The following GRM3 variants were observed in gnomAD, a reference collection of about 807,000 sequenced individuals.
The protein encoded by GRM3 is metabotropic glutamate receptor 3.
Under a neutral mutation model 70.5 loss-of-function variants are expected in GRM3, and 26 were observed. The observed-to-expected ratio is 0.37, with a 90% confidence interval of 0.27 to 0.51. GRM3 has a LOEUF of 0.51. GRM3 is among the 20% of genes least tolerant of loss of function. The pLI, the probability that GRM3 is intolerant of heterozygous loss-of-function variation, is 0.93. For synonymous variants in GRM3, 443 were observed against 434.9 expected (o/e 1.02, Z -0.23); for missense variants, 859 against 1,123.8 (o/e 0.76, Z 3.37).
chr7:86,758,301 C>A (rs917750289), intron 1 of GRM3, among the ~76,000 whole-genome samples: 1 of 152,154 alleles, frequency 6.6e-6, no homozygotes, highest in Admixed American at 6.6e-5. Flanking sequence ...TGCTCCTTCA[C>A]CATTTTGTCC....
At chr7:86,856,452 CAAAAAAA>C (rs572172399) in intron 5 of GRM3, among the ~76,000 whole-genome samples, 1 of 67,582 alleles carries the variant, frequency 1.5e-5, no homozygotes, top group Non-Finnish European at 3.3e-5. Flanking sequence ...TCGCCCTCTG[CAAAAAAA>C]AAAAAAAAAA....
intron 1 of GRM3, among the ~76,000 whole-genome samples, chr7:86,671,027 A>C (rs759919309): frequency 6.6e-6 from 1 of 152,142 alleles, no homozygotes; most frequent in Non-Finnish European, 1.5e-5. Flanking sequence ...TACTAACTGA[A>C]ATATGAAACA....
chr7:86,732,200 T>A (rs944960696), intron 1 of GRM3, among the ~76,000 whole-genome samples: 5 of 152,102 alleles, frequency 3.3e-5, no homozygotes, highest in Non-Finnish European at 7.3e-5. Context: ...CACAAGAGTA[T>A]AAATGAAAAA....
rs117389933 is a variant in GRM3 at position 86,796,826 on chromosome 7, A to G, written c.1324+9710A>G. Among the ~76,000 whole-genome samples, 4 of 152,190 alleles carry G rather than the reference A, an allele frequency of 2.6e-5. No homozygotes were observed. In the East Asian group the frequency reaches 7.7e-4, roughly 29 times the overall value. The stretch of plus-strand genomic sequence containing the variant: ...TATAGCTCTATAATTCTCACATGTC[A>G]TGGAAGGGACTCAATGGGTGGTAAT... On this transcript the variant is annotated intron_variant, in intron 3 of 5. Transcript: ENST00000361669.
At chr7:86,847,119 T>C (rs544894672) in intron 4 of GRM3, among the ~76,000 whole-genome samples, 1 of 152,268 alleles carries the variant, frequency 6.6e-6, no homozygotes, top group South Asian at 2.1e-4. Flanking sequence ...CCTGAATCTT[T>C]TATAATGAAT....
intron 3 of GRM3, among the ~76,000 whole-genome samples, chr7:86,808,583 C>T (rs971227213): frequency 6.6e-6 from 1 of 151,586 alleles, no homozygotes; most frequent in Non-Finnish European, 1.5e-5. Context: ...AATAAGGCAT[C>T]CCAGGTAGAG....
At chr7:86,822,656 G>A (rs2299227) in intron 3 of GRM3, among the ~76,000 whole-genome samples, 4,269 of 152,218 alleles carry the variant, frequency 0.028, 103 homozygotes, top group Non-Finnish European at 0.047. Context: ...CAGATTGTGT[G>A]GGACTGTGAA....
At chr7:86,830,731 G>T (rs1048349317) in intron 3 of GRM3, among the ~76,000 whole-genome samples, 2 of 152,102 alleles carry the variant, frequency 1.3e-5, no homozygotes, top group Non-Finnish European at 2.9e-5. Context: ...GTTATGAGTT[G>T]AATTGTGTTC....
intron 5 of GRM3, among the ~76,000 whole-genome samples, chr7:86,862,862 T>A (rs1798986651): frequency 6.6e-6 from 1 of 152,084 alleles, no homozygotes; most frequent in Non-Finnish European, 1.5e-5. Context: ...TTTGCCTAGG[T>A]AAAATGAAAA....
At chr7:86,834,756 T>C (rs889690739) in intron 3 of GRM3, among the ~76,000 whole-genome samples, 6 of 152,072 alleles carry the variant, frequency 3.9e-5, no homozygotes, top group African/African-American at 1.4e-4. Flanking sequence ...AATTATCTAA[T>C]AACATCAACT....
intron 1 of GRM3, among the ~76,000 whole-genome samples, chr7:86,703,626 C>T (rs575354562): frequency 3.9e-5 from 6 of 152,068 alleles, no homozygotes; most frequent in African/African-American, 1.4e-4. Flanking sequence ...GGGAAATTTT[C>T]ACTTTGTTCT....
At chr7:86,734,353 G>T (rs367921139) in intron 1 of GRM3, among the ~76,000 whole-genome samples, 2 of 152,130 alleles carry the variant, frequency 1.3e-5, no homozygotes, top group Non-Finnish European at 2.9e-5. Context: ...TCTGGGAGAA[G>T]TATTAGGCAA....
At chr7:86,779,424 A>G (rs888774536) in intron 2 of GRM3, among the ~76,000 whole-genome samples, 20 of 150,842 alleles carry the variant, frequency 1.3e-4, no homozygotes, top group South Asian at 6.3e-4. Context: ...ACACGTGCGC[A>G]CACACACACA....
chr7:86,750,389 C>G (rs932397346), intron 1 of GRM3, among the ~76,000 whole-genome samples: 1 of 151,976 alleles, frequency 6.6e-6, no homozygotes, highest in African/African-American at 2.4e-5. Flanking sequence ...AATAATGCAA[C>G]TTGGACAAAT....
In GRM3 at chr7:86,786,190, T is replaced by C. The variant is rs1049579769; in HGVS notation, c.469-71T>C. 5 of 1,297,658 alleles carry C rather than the reference T, an allele frequency of 3.9e-6. No individual in the cohort carries two copies. In the African/African-American group the frequency reaches 5.9e-5, roughly 15 times the overall value. The allele number at this position is 1,297,658 out of a possible 1,614,324, so 80.4% of individuals were successfully genotyped here. A position where few individuals can be genotyped will look rare whatever the true frequency, so the allele number is the denominator to read the frequency against. Reference sequence around the variant, plus strand: ...GGGAGTCAGTAAAAGGTGTGGATGCTATTATTCATTTTCATGTCCAGTCAT... The same window carrying C: ...GGGAGTCAGTAAAAGGTGTGGATGCCATTATTCATTTTCATGTCCAGTCAT... On this transcript the variant is annotated intron_variant, in intron 2 of 5. Transcript: ENST00000361669. This position sits in a 1 kb window ranked among gnomAD's most constrained non-coding sequence, Gnocchi z 6.0.
intron 5 of GRM3, among the ~76,000 whole-genome samples, chr7:86,856,649 C>G (rs77125549): frequency 0.042 from 6,335 of 152,088 alleles, 447 homozygotes; most frequent in African/African-American, 0.14. Context: ...ATTCCATTCC[C>G]TTTTACTCCC....
At chr7:86,809,863 C>A (rs1405124049) in intron 3 of GRM3, among the ~76,000 whole-genome samples, 1 of 152,074 alleles carries the variant, frequency 6.6e-6, no homozygotes, top group African/African-American at 2.4e-5. Context: ...AGAAAAAATT[C>A]TTTCACATAC....
At chr7:86,718,296 T>G (rs1458025238) in intron 1 of GRM3, among the ~76,000 whole-genome samples, 1 of 152,030 alleles carries the variant, frequency 6.6e-6, no homozygotes, top group East Asian at 1.9e-4. Context: ...CCACCTAAGA[T>G]TTGAATGTAA....
intron 1 of GRM3, among the ~76,000 whole-genome samples, chr7:86,732,034 A>G (rs1232972204): frequency 6.6e-6 from 1 of 152,204 alleles, no homozygotes; most frequent in African/African-American, 2.4e-5. Context: ...GAATAAACCT[A>G]GAAGTAGAAA....
Sources: gnomAD v4.1 joint callset for allele counts (sites outside exome capture counted in the v4.1 genomes callset) on GRCh38, gnomAD v4.1.1 for gene constraint, Gnocchi (gnomAD v3.1) non-coding constraint, MANE v1.5 for transcripts, NCBI Gene and HGNC (gene_info 2026-07-23, HGNC 2026-07-21) for gene names.